SMARCAL1: variants seen among roughly 807,000 people sequenced by gnomAD.
SMARCAL1 encodes ATP-driven annealing helicase.
In SMARCAL1, 58 loss-of-function variants were observed where a neutral mutation model predicts 94.5. The ratio of observed to expected loss-of-function variants is 0.61; its 90% CI spans 0.50 to 0.76. The LOEUF (loss-of-function observed/expected upper bound fraction) is 0.76. Among genes scored for constraint, SMARCAL1 ranks in the 30% least tolerant of loss-of-function variants. The pLI, the probability that SMARCAL1 is intolerant of heterozygous loss-of-function variation, is 0.00. For missense variants in SMARCAL1, 1,051 were observed against 1,177.9 expected (o/e 0.89, Z 1.58); for synonymous variants, 422 against 455.1 (o/e 0.93, Z 0.93).
At chr2:216,460,478 C>T (rs1331614783) in intron 12 of SMARCAL1, among the ~76,000 whole-genome samples, 5 of 152,086 alleles carry the variant, frequency 3.3e-5, no homozygotes, top group African/African-American at 1.2e-4. Context: ...AAATGTGGCA[C>T]ATATACACCA....
intron 12 of SMARCAL1, among the ~76,000 whole-genome samples, chr2:216,454,449 A>G (rs927531452): frequency 2.6e-5 from 4 of 152,216 alleles, no homozygotes; most frequent in African/African-American, 9.6e-5. Flanking sequence ...ATCAGCCCAG[A>G]TATTTGAGCC....
rs771041445 is a variant in SMARCAL1, at chr2:216,435,493, C to T, written c.1641C>T (p.Ile547=). ...KQLKTPFKVV[I]IDESHFLKNS... ...TAAAAACCCCTTTTAAAGTTGTCAT[C>T]ATTGTAAGAAACTTGGCAAAGTCTT... Residue 547 remains isoleucine, a synonymous_variant, in exon 9 of 18, where the codon ATC becomes ATT. Transcript: ENST00000357276. 3.1e-6 allele frequency: 5 copies of T among 1,613,842 alleles called. No homozygotes were observed. The African/African-American group carries it at 6.7e-5, about 22-fold the overall frequency.
chr2:216,435,282 C>G (rs1694056948), intron 8 of SMARCAL1, 56 bp from the exon 9 acceptor site: 10 of 1,595,398 alleles, frequency 6.3e-6, no homozygotes, highest in Non-Finnish European at 8.6e-6. Context: ...CTGTCACAAC[C>G]AACAGCTGCT....
chr2:216,457,706 A>G (rs1279922356), intron 12 of SMARCAL1, among the ~76,000 whole-genome samples: 3 of 152,236 alleles, frequency 2.0e-5, no homozygotes. Context: ...AGGGAAATTT[A>G]TAGCACTAAA....
intron 12 of SMARCAL1, among the ~76,000 whole-genome samples, chr2:216,454,413 G>A (rs758674996): frequency 2.2e-4 from 34 of 152,146 alleles, no homozygotes; most frequent in Admixed American, 3.9e-4. Flanking sequence ...GGTGCTTTAC[G>A]TGTATTGCGT....
At chr2:216,467,642 G>A (rs187062570) in intron 13 of SMARCAL1, among the ~76,000 whole-genome samples, 124 of 152,234 alleles carry the variant, frequency 8.1e-4, no homozygotes, top group African/African-American at 2.9e-3. Context: ...GGTCTAAAGT[G>A]GGAGGAGCTG....
intron 8 of SMARCAL1, among the ~76,000 whole-genome samples, chr2:216,434,767 C>T (rs1410073522): frequency 6.6e-6 from 1 of 151,688 alleles, no homozygotes; most frequent in African/African-American, 2.4e-5. Flanking sequence ...ATCACTTGAG[C>T]CTAGGAGTTT....
intron 10 of SMARCAL1, among the ~76,000 whole-genome samples, chr2:216,440,767 G>A (rs1295644472): frequency 6.6e-6 from 1 of 152,008 alleles, no homozygotes; most frequent in Non-Finnish European, 1.5e-5. Flanking sequence ...TTGACATTTT[G>A]GGCTGGATGA....
chr2:216,458,551 C>A (rs1469037100), intron 12 of SMARCAL1, among the ~76,000 whole-genome samples: 4 of 152,142 alleles, frequency 2.6e-5, no homozygotes, highest in Admixed American at 2.6e-4. Flanking sequence ...TAAACATAAT[C>A]CAGCATATAA....
chr2:216,435,620 C>T, intron 9 of SMARCAL1, 124 bp downstream of exon 9: 1 of 867,476 alleles, frequency 1.2e-6, no homozygotes, highest in Non-Finnish European at 1.9e-6. Context: ...GAATAGAAAT[C>T]ACTGTCTTTA....
At chr2:216,424,093 A>G (rs1251042061) in intron 6 of SMARCAL1, among the ~76,000 whole-genome samples, 2 of 152,232 alleles carry the variant, frequency 1.3e-5, no homozygotes, top group Non-Finnish European at 1.5e-5. Context: ...GGGATGATCA[A>G]GAAAGATAGG....
intron 6 of SMARCAL1, among the ~76,000 whole-genome samples, chr2:216,427,855 T>C (rs548347583): frequency 6.6e-6 from 1 of 152,208 alleles, no homozygotes. Context: ...AGAAAACATA[T>C]GATCACACAT....
chr2:216,417,441 GTGGC>G (rs1265874464), intron 4 of SMARCAL1, among the ~76,000 whole-genome samples: 2 of 152,184 alleles, frequency 1.3e-5, no homozygotes, highest in Admixed American at 1.3e-4. Context: ...TGCCCTGCAG[GTGGC>G]TGTCTTCTCT....
chr2:216,453,337 C>A (rs1694490571), intron 12 of SMARCAL1, among the ~76,000 whole-genome samples: 1 of 152,232 alleles, frequency 6.6e-6, no homozygotes, highest in Non-Finnish European at 1.5e-5. Context: ...ACACTAAATT[C>A]TTTCAGATAA....
At chr2:216,469,445 C>A (rs1694912573) in intron 14 of SMARCAL1, among the ~76,000 whole-genome samples, 1 of 151,916 alleles carries the variant, frequency 6.6e-6, no homozygotes, top group South Asian at 2.1e-4. Context: ...CCATGCCTGG[C>A]TAATTTTTTT....
intron 12 of SMARCAL1, among the ~76,000 whole-genome samples, chr2:216,460,524 A>C (rs1224529829): frequency 2.0e-5 from 3 of 152,144 alleles, no homozygotes; most frequent in African/African-American, 4.8e-5. Flanking sequence ...TGATGAGTTC[A>C]TGTCCTTTGT....
intron 10 of SMARCAL1, among the ~76,000 whole-genome samples, chr2:216,445,362 C>T (rs1028449365): frequency 2.6e-5 from 4 of 152,128 alleles, no homozygotes; most frequent in African/African-American, 9.7e-5. Context: ...GCTGCCTCTG[C>T]CTTTTTGATG....
At chr2:216,458,103 T>C (rs1406734895) in intron 12 of SMARCAL1, among the ~76,000 whole-genome samples, 2 of 152,076 alleles carry the variant, frequency 1.3e-5, no homozygotes, top group Non-Finnish European at 2.9e-5. Context: ...ATAAATTCCT[T>C]GACACATACA....
At chr2:216,420,596 G>A in intron 5 of SMARCAL1, 64 bp downstream of exon 5, 2 of 1,299,352 alleles carry the variant, frequency 1.5e-6, no homozygotes, top group Non-Finnish European at 2.2e-6. Flanking sequence ...AACATAGGGT[G>A]TTTTTCTCTA....
Sources: allele counts gnomAD v4.1 joint callset (sites outside exome capture counted in the v4.1 genomes callset), GRCh38; gene constraint gnomAD v4.1.1; transcripts MANE v1.5; gene names NCBI Gene and HGNC (gene_info 2026-07-23, HGNC 2026-07-21).